The following CPNE8 variants were observed in gnomAD, a reference collection of about 807,000 sequenced individuals.
CPNE8 encodes copine 8.
In CPNE8, 45 loss-of-function variants were observed where a neutral mutation model predicts 81.5. The ratio of observed to expected loss-of-function variants is 0.55; its 90% CI spans 0.44 to 0.71. The LOEUF (loss-of-function observed/expected upper bound fraction) is 0.71, where lower values mean the gene tolerates loss of function less well. Ranked by LOEUF, CPNE8 falls within the 30% of genes least tolerant of loss-of-function variation. The pLI, the probability that CPNE8 is intolerant of heterozygous loss-of-function variation, is 0.00. For missense variants in CPNE8, 594 were observed against 672.1 expected (o/e 0.88, Z 1.28); for synonymous variants, 252 against 226.3 (o/e 1.11, Z -1.02).
intron 5 of CPNE8, among the ~76,000 whole-genome samples, chr12:38,834,104 G>T (rs2137031340): frequency 6.6e-6 from 1 of 152,218 alleles, no homozygotes; most frequent in East Asian, 1.9e-4. Context: ...CCATTGGAGG[G>T]TTTAAACTGG....
At chr12:38,717,102 C>T (rs1940413439) in intron 13 of CPNE8, among the ~76,000 whole-genome samples, 1 of 151,934 alleles carries the variant, frequency 6.6e-6, no homozygotes, top group Non-Finnish European at 1.5e-5. Context: ...CACCTTATTC[C>T]TGCAAGAACA....
At chr12:38,739,452 GAA>G (rs1389852208) in intron 10 of CPNE8, among the ~76,000 whole-genome samples, 1 of 152,058 alleles carries the variant, frequency 6.6e-6, no homozygotes, top group Non-Finnish European at 1.5e-5. Context: ...TCTGTATGTG[GAA>G]ACTCTTCTTT....
intron 1 of CPNE8, among the ~76,000 whole-genome samples, chr12:38,900,443 T>A (rs550736783): frequency 6.6e-6 from 1 of 152,194 alleles, no homozygotes; most frequent in Non-Finnish European, 1.5e-5. Flanking sequence ...CTACATATTC[T>A]GTGCCAAGCT....
chr12:38,850,952 G>A (rs1213483559), intron 3 of CPNE8, among the ~76,000 whole-genome samples: 1 of 152,160 alleles, frequency 6.6e-6, no homozygotes, highest in African/African-American at 2.4e-5. Context: ...GAAGTGATTA[G>A]GCCATGAGGG....
In CPNE8 at chr12:38,852,043, A is replaced by G. The variant is rs547907328; in HGVS notation, c.187-3381T>C. Among the ~76,000 whole-genome samples, 3 of 152,118 alleles carry G rather than the reference A, an allele frequency of 2.0e-5. No individual in the cohort carries two copies. The East Asian group carries it at 5.8e-4, about 29-fold the overall frequency. On this transcript the variant is annotated intron_variant, in intron 3 of 19. Transcript: ENST00000331366. ...AAATGTCAGCATGTCAGCTCTAAAC[A>G]TCAATCTGAAATAGGTGCTCCATTC...
chr12:38,678,979 T>A (rs981108595), intron 16 of CPNE8, among the ~76,000 whole-genome samples: 2 of 151,844 alleles, frequency 1.3e-5, no homozygotes, highest in African/African-American at 4.8e-5. Context: ...CACGTTTAAC[T>A]TTTTTTGTTT....
intron 6 of CPNE8, among the ~76,000 whole-genome samples, chr12:38,819,035 T>A (rs978918375): frequency 1.3e-5 from 2 of 152,200 alleles, no homozygotes; most frequent in Non-Finnish European, 2.9e-5. Context: ...GGATTTCAGA[T>A]CTTTGTCAGA....
Position 38,687,370 on chromosome 12 carries a change from C to CTTTTTTTTTTTTTTTTTTTTTTTTTTT in CPNE8, c.1144-1754_1144-1753insAAAAAAAAAAAAAAAAAAAAAAAAAAA, listed in dbSNP as rs35643732. 5.2e-5 allele frequency among the ~76,000 whole-genome samples: 5 copies of CTTTTTTTTTTTTTTTTTTTTTTTTTTT among 95,494 alleles called. 2 individuals carry two copies. The highest frequency in any genetic ancestry group is 6.4e-5 in the Non-Finnish European group (3 of 46,860). The allele number at this position is 95,494 out of a possible 152,430, so 62.6% of individuals were successfully genotyped here. A position where few individuals can be genotyped will look rare whatever the true frequency, so the allele number is the denominator to read the frequency against. ...GCTACCAAATTACGAAATGCCAAGA[C>CTTTTTTTTTTTTTTTTTTTTTTTTTTT]TTTCTTTTTTTTTTTTTTTTTTTTT... On this transcript the variant is annotated intron_variant, in intron 15 of 19. Coordinates refer to ENST00000331366, the MANE Select transcript of CPNE8 (RefSeq NM_153634.3).
chr12:38,653,472 A>T lies in CPNE8; in HGVS notation c.*410T>A, dbSNP rs921179483. Reference sequence around the variant, plus strand: ...TCTTATTTTTAAGAACAGTTATAAAAGTATTGAAATTTAAAAAGTAGTAAC... The same window carrying T: ...TCTTATTTTTAAGAACAGTTATAAATGTATTGAAATTTAAAAAGTAGTAAC... On this transcript the variant is annotated 3_prime_UTR_variant, in exon 20 of 20. Transcript: ENST00000331366. The T allele has an allele frequency of 6.5e-6, 1 of 154,554 alleles. No homozygotes were observed. The highest frequency in any genetic ancestry group is 2.4e-5 in the African/African-American group (1 of 41,582). The allele number at this position is 154,554 out of a possible 1,614,324, so 9.6% of individuals were successfully genotyped here. A position where few individuals can be genotyped will look rare whatever the true frequency, so the allele number is the denominator to read the frequency against.
At chr12:38,740,549 C>T (rs149554784) in intron 10 of CPNE8, among the ~76,000 whole-genome samples, 2 of 152,108 alleles carry the variant, frequency 1.3e-5, no homozygotes, top group African/African-American at 4.8e-5. Context: ...ATAGCTCTTA[C>T]TATTTTGAGA....
chr12:38,839,540 A>C (rs1305527575), intron 5 of CPNE8, among the ~76,000 whole-genome samples: 1 of 152,094 alleles, frequency 6.6e-6, no homozygotes, highest in Non-Finnish European at 1.5e-5. Context: ...AAAAAACAGA[A>C]TAACAAACCA....
intron 6 of CPNE8, among the ~76,000 whole-genome samples, chr12:38,781,270 AG>A (rs1243806013): frequency 6.6e-6 from 1 of 152,046 alleles, no homozygotes; most frequent in Non-Finnish European, 1.5e-5. Flanking sequence ...AGGATCACTA[AG>A]TAGGTAGTAG....
chr12:38,798,142 A>G (rs1176433407), intron 6 of CPNE8, among the ~76,000 whole-genome samples: 3 of 152,344 alleles, frequency 2.0e-5, no homozygotes, highest in Admixed American at 6.5e-5. Flanking sequence ...ATTATCCAGG[A>G]GAACTTCCCC....
intron 5 of CPNE8, among the ~76,000 whole-genome samples, chr12:38,831,929 G>A (rs1019132273): frequency 2.0e-5 from 3 of 152,212 alleles, no homozygotes; most frequent in African/African-American, 7.2e-5. Context: ...GCGAGTCTCA[G>A]TAAAAGCCAT....
chr12:38,874,559 T>G, intron 1 of CPNE8, 48 bp from the exon 2 acceptor site: 1 of 1,169,148 alleles, frequency 8.6e-7, no homozygotes, highest in Non-Finnish European at 1.3e-6. Flanking sequence ...AGCAAAATAT[T>G]TATATTTATA....
chr12:38,798,270 A>C (rs1005071402), intron 6 of CPNE8, among the ~76,000 whole-genome samples: 2 of 152,164 alleles, frequency 1.3e-5, no homozygotes, highest in African/African-American at 2.4e-5. Flanking sequence ...AGTTGAAATG[A>C]AGGAAAAAAT....
intron 3 of CPNE8, among the ~76,000 whole-genome samples, chr12:38,867,339 T>TGAGA (rs367740036): frequency 3.9e-4 from 48 of 122,090 alleles, no homozygotes; most frequent in African/African-American, 6.7e-4. Flanking sequence ...TGTGTGTGTG[T>TGAGA]GAGAGAGAGA....
At chr12:38,843,097 G>A (rs1359599870) in intron 4 of CPNE8, among the ~76,000 whole-genome samples, 1 of 152,118 alleles carries the variant, frequency 6.6e-6, no homozygotes, top group African/African-American at 2.4e-5. Context: ...TCTCCTAAGA[G>A]GATGCATCCA....
chr12:38,661,002 T>G (rs1182751553), intron 19 of CPNE8, among the ~76,000 whole-genome samples: 1 of 152,222 alleles, frequency 6.6e-6, no homozygotes, highest in Non-Finnish European at 1.5e-5. Context: ...GTTTTTACAC[T>G]GTTGGTGGGA....
Sources: gnomAD v4.1 joint callset for allele counts (sites outside exome capture counted in the v4.1 genomes callset) on GRCh38, gnomAD v4.1.1 for gene constraint, MANE v1.5 for transcripts, NCBI Gene and HGNC (gene_info 2026-07-23, HGNC 2026-07-21) for gene names.